The following PICALM variants were observed in gnomAD, a reference collection of about 807,000 sequenced individuals.
The protein encoded by PICALM is phosphatidylinositol binding clathrin assembly protein.
In PICALM, 40 loss-of-function variants were observed where a neutral mutation model predicts 80.5. The observed-to-expected ratio is 0.50, with a 90% CI of 0.39 to 0.65. The LOEUF (loss-of-function observed/expected upper bound fraction) is 0.65. PICALM is among the 30% of genes least tolerant of loss of function. The pLI, the probability that PICALM is intolerant of heterozygous loss-of-function variation, is 0.00. For synonymous variants in PICALM, 288 were observed against 260.3 expected, an observed-to-expected ratio of 1.11 and a Z score of -1.02; for missense variants, 676 against 778.9, an observed-to-expected ratio of 0.87 and a Z score of 1.57.
chr11:85,992,371 G>A (rs1246423609), intron 12 of PICALM, among the ~76,000 whole-genome samples: 4 of 150,990 alleles, frequency 2.6e-5, no homozygotes, highest in East Asian at 2.0e-4. Context: ...TGCAACTTCC[G>A]CTTCCTGGGT....
At chr11:85,997,900 A>C (rs2095026456) in intron 11 of PICALM, among the ~76,000 whole-genome samples, 1 of 151,890 alleles carries the variant, frequency 6.6e-6, no homozygotes, top group African/African-American at 2.4e-5. Flanking sequence ...GGCATGCCTT[A>C]GCCTCCCAAG....
In PICALM at chr11:85,981,222, T is replaced by G; in HGVS notation, c.1686A>C (p.Val562=). The G allele has an allele frequency of 6.5e-7, 1 of 1,535,962 alleles. No individual in the cohort carries two copies. Among genetic ancestry groups the G allele is most frequent in the East Asian group, 2.2e-5 (1 of 44,508 alleles). ...TCTTTTCACCTGGTTGACTCCAATT[T>G]ACATCACTTTAAATAAACATAAGTG... is the stretch of plus-strand genomic sequence containing the variant. ...GIGNGTTKND[V]NWSQPGEKKL... The change falls in exon 17 of 20, where the codon GTA becomes GTC. Residue 562 remains valine, a synonymous_variant. Transcript: ENST00000393346.
At chr11:85,971,328 G>A (rs1000001718) in intron 19 of PICALM, among the ~76,000 whole-genome samples, 4 of 152,038 alleles carry the variant, frequency 2.6e-5, no homozygotes, top group African/African-American at 9.7e-5. Context: ...ATTAAGAAAA[G>A]GTATTTCTGT....
intron 2 of PICALM, among the ~76,000 whole-genome samples, chr11:86,027,450 G>A (rs997435058): frequency 2.7e-5 from 4 of 150,088 alleles, no homozygotes; most frequent in Non-Finnish European, 5.9e-5. Flanking sequence ...TTTAATGCAT[G>A]TAGAGGCTAA....
At chr11:86,000,927 G>C in intron 10 of PICALM, 108 bp downstream of exon 10, 1 of 1,478,802 alleles carries the variant, frequency 6.8e-7, no homozygotes, top group Non-Finnish European at 9.2e-7. Flanking sequence ...CTGAGTTTCA[G>C]CCCATTAGGT....
intron 1 of PICALM, among the ~76,000 whole-genome samples, chr11:86,068,269 C>T (rs1209443828): frequency 6.6e-6 from 1 of 152,034 alleles, no homozygotes; most frequent in Non-Finnish European, 1.5e-5. Flanking sequence ...GACGCTCAGA[C>T]GAGGGCGACG....
chr11:86,044,902 TG>T (rs1395938223), intron 1 of PICALM, among the ~76,000 whole-genome samples: 1 of 152,214 alleles, frequency 6.6e-6, no homozygotes, highest in Non-Finnish European at 1.5e-5. Flanking sequence ...ACACACCCCC[TG>T]CCAGTCTGTG....
chr11:86,009,694 AAAAC>A (rs148744777), intron 7 of PICALM, among the ~76,000 whole-genome samples: 5,528 of 152,228 alleles, frequency 0.036, 317 homozygotes, highest in African/African-American at 0.12. Context: ...CTTCATCTCA[AAAAC>A]AAACAAACAA....
intron 5 of PICALM, among the ~76,000 whole-genome samples, 181 bp from the exon 6 acceptor site, chr11:86,012,573 A>T (rs893926158): frequency 6.6e-6 from 1 of 152,240 alleles, no homozygotes; most frequent in African/African-American, 2.4e-5. Flanking sequence ...ATAAATGAAC[A>T]TTATTTATTA....
intron 19 of PICALM, among the ~76,000 whole-genome samples, chr11:85,965,067 C>A (rs1002234967): frequency 6.6e-6 from 1 of 151,988 alleles, no homozygotes; most frequent in Non-Finnish European, 1.5e-5. Flanking sequence ...AGTGTTTGTT[C>A]CCTACAAAAC....
chr11:86,031,598 G>T lies in PICALM; in HGVS notation c.144C>A (p.Cys48Ter). 6.2e-7 allele frequency: 1 copy of T among 1,607,510 alleles called. No individual in the cohort carries two copies. The change falls in exon 2 of 20, where the codon TGC (cysteine) becomes TGA (stop). Residue 48 changes from cysteine (C) to a stop codon, truncating the protein, a stop_gained. Transcript: ENST00000393346. LOFTEE classifies it high-confidence loss of function. ...KKKHLDYLIQ[C>*]TNEMNVNIPQ... is the part of the protein sequence containing the mutation. ...GGATGTTCACATTCATCTCATTTGT[G>T]CACTGAATTAAGTCTGCAATAAAAA... is the stretch of plus-strand genomic sequence containing the variant.
rs184983959 is a variant in PICALM, at chr11:86,027,152, T to C, written c.274-785A>G. On this transcript the variant is annotated intron_variant, in intron 2 of 19. Coordinates refer to ENST00000393346, the MANE Select transcript of PICALM (RefSeq NM_007166.4). ...TAAATCCATTTATTTATTATGGATATACTTTGTAATTTTCGCTATTATTAA... is the reference window on the plus strand; with the variant it reads ...TAAATCCATTTATTTATTATGGATACACTTTGTAATTTTCGCTATTATTAA... Among the ~76,000 whole-genome samples the C allele has an allele frequency of 1.7e-3, 257 of 152,360 alleles. 1 individual carries two copies. The highest frequency in any genetic ancestry group is 5.9e-3 in the African/African-American group (244 of 41,580).
At chr11:86,043,773 C>T (rs927215897) in intron 1 of PICALM, among the ~76,000 whole-genome samples, 1 of 152,112 alleles carries the variant, frequency 6.6e-6, no homozygotes, top group Non-Finnish European at 1.5e-5. Context: ...TAAAGTTTTT[C>T]GTTAAGAGCC....
chr11:85,976,483 A>G (rs1302270251), intron 18 of PICALM, 140 bp downstream of exon 18: 9 of 574,192 alleles, frequency 1.6e-5, no homozygotes, highest in Non-Finnish European at 2.9e-5. Flanking sequence ...TATGAAACCA[A>G]TGCTATGGTT....
intron 13 of PICALM, among the ~76,000 whole-genome samples, chr11:85,984,400 A>G (rs2094522507): frequency 6.6e-6 from 1 of 152,142 alleles, no homozygotes. Flanking sequence ...CCCCAAGATA[A>G]AAGTTTTTCT....
In PICALM at chr11:86,003,461, T is replaced by C. The variant is rs1410985443; in HGVS notation, c.808-10A>G. The C allele has an allele frequency of 6.6e-7, 1 of 1,523,926 alleles. No homozygotes were observed. The highest frequency in any genetic ancestry group is 1.4e-5 in the African/African-American group (1 of 73,302). 94.4% of individuals were successfully genotyped at this position (1,523,926 alleles called of 1,614,324 possible). A position where few individuals can be genotyped will look rare whatever the true frequency, so the allele number is the denominator to read the frequency against. On this transcript the variant is annotated splice_polypyrimidine_tract_variant and intron_variant, in intron 8 of 19. Coordinates refer to ENST00000393346, the MANE Select transcript of PICALM (RefSeq NM_007166.4). ...GAAGACTGCTAGGGGCCTGCAATTG[T>C]ACAAATATTAAGAATTTCATGATAA...
intron 13 of PICALM, 38 bp from the exon 14 acceptor site, chr11:85,984,011 A>G (rs1242520387): frequency 1.2e-6 from 1 of 866,518 alleles, no homozygotes; most frequent in Non-Finnish European, 1.9e-6. Flanking sequence ...CAATTATTTA[A>G]TAACTCTACA....
At chr11:86,028,530 T>C (rs2136684143) in intron 2 of PICALM, among the ~76,000 whole-genome samples, 1 of 152,344 alleles carries the variant, frequency 6.6e-6, no homozygotes, top group Non-Finnish European at 1.5e-5. Flanking sequence ...TACATTTTCA[T>C]GTATTAATCA....
chr11:85,998,878 C>T (rs756127607), intron 11 of PICALM, among the ~76,000 whole-genome samples: 9 of 152,188 alleles, frequency 5.9e-5, no homozygotes, highest in Non-Finnish European at 8.8e-5. Flanking sequence ...CCTGCCTCAA[C>T]CTCCTGAGTA....
Sources: gnomAD v4.1 joint callset for allele counts (sites outside exome capture counted in the v4.1 genomes callset) on GRCh38, gnomAD v4.1.1 for gene constraint, MANE v1.5 for transcripts, NCBI Gene and HGNC (gene_info 2026-07-23, HGNC 2026-07-21) for gene names.